The following ANKS1B variants were observed in gnomAD, a reference collection of about 807,000 sequenced individuals.
ANKS1B encodes the protein ankyrin repeat and sterile alpha motif domain containing 1B.
ANKS1B carries 36 observed loss-of-function variants against 148.3 expected under a neutral mutation model. That is an observed-to-expected ratio of 0.24 (90% CI 0.19 to 0.32). The LOEUF is 0.32. ANKS1B is among the 10% of genes least tolerant of loss of function. The probability of loss-of-function intolerance (pLI) is 1.00; values close to 1 mark genes in which losing one functional copy is unlikely to be tolerated. For missense variants in ANKS1B, 1,157 were observed against 1,542.6 expected, an observed-to-expected ratio of 0.75 and a Z score of 4.19; for synonymous variants, 542 against 560.8, an observed-to-expected ratio of 0.97 and a Z score of 0.47.
chr12:99,515,895 G>A (rs965199023), intron 9 of ANKS1B, among the ~76,000 whole-genome samples: 3 of 152,038 alleles, frequency 2.0e-5, no homozygotes, highest in African/African-American at 7.2e-5. Flanking sequence ...GTTTTGATTT[G>A]CATGTCTCTG....
chr12:99,582,246 T>A (rs926107143), intron 9 of ANKS1B, among the ~76,000 whole-genome samples: 5 of 151,858 alleles, frequency 3.3e-5, no homozygotes, highest in Non-Finnish European at 7.4e-5. Flanking sequence ...ACATTCCTGA[T>A]GGGAATGCAA....
chr12:98,896,730 G>C (rs910793098), intron 17 of ANKS1B, among the ~76,000 whole-genome samples: 1 of 152,184 alleles, frequency 6.6e-6, no homozygotes, highest in Admixed American at 6.5e-5. Flanking sequence ...ACTTGATGGA[G>C]GCATGTTTGA....
intron 17 of ANKS1B, among the ~76,000 whole-genome samples, chr12:98,920,601 A>G (rs895470979): frequency 3.4e-4 from 52 of 152,314 alleles, no homozygotes; most frequent in African/African-American, 1.2e-3. Context: ...CAGCACGGGA[A>G]GGACCTGCAC....
chr12:99,603,614 A>G (rs1347578322), intron 9 of ANKS1B, among the ~76,000 whole-genome samples: 2 of 152,108 alleles, frequency 1.3e-5, no homozygotes, highest in Non-Finnish European at 2.9e-5. Flanking sequence ...AAATAATAAT[A>G]TTGCCATAAA....
intron 3 of ANKS1B, among the ~76,000 whole-genome samples, chr12:99,809,102 T>C (rs977990599): frequency 8.5e-5 from 13 of 152,170 alleles, no homozygotes; most frequent in African/African-American, 3.1e-4. Flanking sequence ...AAATAGGCTG[T>C]GATGAGGCAC....
At chr12:99,725,021 A>T (rs1424643389) in intron 8 of ANKS1B, among the ~76,000 whole-genome samples, 1 of 152,228 alleles carries the variant, frequency 6.6e-6, no homozygotes, top group Non-Finnish European at 1.5e-5. Flanking sequence ...AAATATGAAA[A>T]GGAACAACTG....
chr12:99,468,239 T>A (rs1043630197), intron 10 of ANKS1B, among the ~76,000 whole-genome samples: 1 of 152,140 alleles, frequency 6.6e-6, no homozygotes, highest in Non-Finnish European at 1.5e-5. Context: ...TAGCCATATG[T>A]AGAAAGCTGA....
At chr12:99,808,673 A>G (rs529485886) in intron 3 of ANKS1B, among the ~76,000 whole-genome samples, 10 of 152,206 alleles carry the variant, frequency 6.6e-5, no homozygotes, top group African/African-American at 2.4e-4. Flanking sequence ...ATTACTTCAC[A>G]CCATGAAAAC....
intron 10 of ANKS1B, among the ~76,000 whole-genome samples, chr12:99,463,653 C>T (rs1008106165): frequency 2.0e-5 from 3 of 152,210 alleles, no homozygotes; most frequent in Non-Finnish European, 2.9e-5. Context: ...GTGCATGGCT[C>T]GGAGGGTCCT....
chr12:99,645,042 G>A (rs933880367), intron 9 of ANKS1B, among the ~76,000 whole-genome samples: 3 of 152,122 alleles, frequency 2.0e-5, no homozygotes, highest in African/African-American at 7.2e-5. Flanking sequence ...AATCACATCT[G>A]CAAAGTTCCT....
At chr12:99,620,856 T>G (rs2098038746) in intron 9 of ANKS1B, among the ~76,000 whole-genome samples, 1 of 151,902 alleles carries the variant, frequency 6.6e-6, no homozygotes, top group African/African-American at 2.4e-5. Context: ...CTCAAGAAAA[T>G]TACCCTAATC....
At chr12:99,123,186 T>C (rs1317599688) in intron 15 of ANKS1B, among the ~76,000 whole-genome samples, 1 of 151,824 alleles carries the variant, frequency 6.6e-6, no homozygotes, top group East Asian at 1.9e-4. Flanking sequence ...TAGAAATACA[T>C]GTAGAGTGAG....
At chr12:99,946,892 T>C (rs1304664489) in intron 1 of ANKS1B, among the ~76,000 whole-genome samples, 1 of 152,132 alleles carries the variant, frequency 6.6e-6, no homozygotes, top group African/African-American at 2.4e-5. Context: ...ATCTGCAACA[T>C]GCAGAACCAC....
chr12:98,809,853 A>T (rs995512221), intron 19 of ANKS1B, among the ~76,000 whole-genome samples: 1 of 152,124 alleles, frequency 6.6e-6, no homozygotes, highest in Admixed American at 6.5e-5. Flanking sequence ...CCTCTTTTTC[A>T]TGGTTTAGAC....
intron 8 of ANKS1B, among the ~76,000 whole-genome samples, chr12:99,731,916 G>A (rs1159730248): frequency 6.6e-6 from 1 of 152,104 alleles, no homozygotes; most frequent in Non-Finnish European, 1.5e-5. Flanking sequence ...CCAGAAATCT[G>A]ATGAAGAACT....
intron 11 of ANKS1B, among the ~76,000 whole-genome samples, chr12:99,424,516 G>A (rs1390485890): frequency 6.7e-6 from 1 of 149,554 alleles, no homozygotes; most frequent in Non-Finnish European, 1.5e-5. Context: ...TAAAAGCTAT[G>A]AAGTAAATAG....
intron 8 of ANKS1B, among the ~76,000 whole-genome samples, chr12:99,733,903 C>T (rs2059390149): frequency 6.6e-6 from 1 of 152,208 alleles, no homozygotes; most frequent in Non-Finnish European, 1.5e-5. Context: ...TTGTCAGTAG[C>T]TAGAAAAGTA....
chr12:99,747,021 A>T (rs1213980350), intron 8 of ANKS1B, among the ~76,000 whole-genome samples: 2 of 152,024 alleles, frequency 1.3e-5, no homozygotes, highest in African/African-American at 4.8e-5. Flanking sequence ...AATTTCTTTC[A>T]TATACCCCAT....
In ANKS1B at chr12:98,883,472, AACAG is replaced by A. The variant is rs2099721450; in HGVS notation, c.2779-51340_2779-51337del. Reference sequence around the variant, plus strand: ...TGCAACAAACAGAGACTGTTTTGTGAACAGACAGAGCTGTGCTTGATGAAGGCTT... The same window carrying A: ...TGCAACAAACAGAGACTGTTTTGTGAACAGAGCTGTGCTTGATGAAGGCTT... On this transcript the variant is annotated intron_variant, in intron 17 of 26. Transcript: ENST00000683438. Among the ~76,000 whole-genome samples, 3 of 152,346 alleles carry A rather than the reference AACAG, an allele frequency of 2.0e-5. No individual in the cohort carries two copies. In the East Asian group the frequency reaches 5.8e-4, roughly 29 times the overall value.
Sources: gnomAD v4.1 joint callset for allele counts (sites outside exome capture counted in the v4.1 genomes callset) on GRCh38, gnomAD v4.1.1 for gene constraint, MANE v1.5 for transcripts, NCBI Gene and HGNC (gene_info 2026-07-23, HGNC 2026-07-21) for gene names.